ATP6V1H: variants seen among roughly 807,000 people sequenced by gnomAD.
The protein encoded by ATP6V1H is V-type proton ATPase subunit H.
Under a neutral mutation model 71.7 loss-of-function variants are expected in ATP6V1H, and 39 were observed. The ratio of observed to expected loss-of-function variants is 0.54; its 90% CI spans 0.42 to 0.71. The LOEUF (loss-of-function observed/expected upper bound fraction) is 0.71. ATP6V1H is among the 30% of genes least tolerant of loss of function. The pLI is 0.00. For missense variants in ATP6V1H, 509 were observed against 594.9 expected, an observed-to-expected ratio of 0.86 and a Z score of 1.50; for synonymous variants, 192 against 199.3, an observed-to-expected ratio of 0.96 and a Z score of 0.31.
At chr8:53,806,025 T>A (rs1810065077) in intron 7 of ATP6V1H, among the ~76,000 whole-genome samples, 1 of 152,144 alleles carries the variant, frequency 6.6e-6, no homozygotes, top group African/African-American at 2.4e-5. Flanking sequence ...TACATTTATC[T>A]CGCTGAACAT....
At chr8:53,755,742 A>T (rs377763917) in intron 12 of ATP6V1H, among the ~76,000 whole-genome samples, 336 of 1,748 alleles carry the variant, frequency 0.19, 30 homozygotes, top group African/African-American at 0.34. Context: ...ATATATATAT[A>T]TATTTTTTTT....
chr8:53,837,843 C>G (rs993658849), intron 2 of ATP6V1H, among the ~76,000 whole-genome samples: 1 of 152,130 alleles, frequency 6.6e-6, no homozygotes, highest in African/African-American at 2.4e-5. Flanking sequence ...AGGCAGGAAC[C>G]GCAGACACAG....
At chr8:53,756,428 G>T in intron 12 of ATP6V1H, 127 bp downstream of exon 12, 1 of 667,842 alleles carries the variant, frequency 1.5e-6, no homozygotes, top group Non-Finnish European at 2.5e-6. Context: ...TCACTATTGT[G>T]GCAATCTTGA....
intron 13 of ATP6V1H, among the ~76,000 whole-genome samples, chr8:53,732,672 GA>G (rs577072917): frequency 0.027 from 3,778 of 140,126 alleles, 168 homozygotes; most frequent in African/African-American, 0.094. Flanking sequence ...AAAAAAAAAA[GA>G]AAAAAAAAAG....
At chr8:53,723,404 C>T (rs1806694709) in intron 13 of ATP6V1H, among the ~76,000 whole-genome samples, 1 of 152,144 alleles carries the variant, frequency 6.6e-6, no homozygotes, top group African/African-American at 2.4e-5. Context: ...CTGGTCTTTT[C>T]CCTCTAGTCT....
At chr8:53,777,037 C>T (rs900433516) in intron 9 of ATP6V1H, among the ~76,000 whole-genome samples, 1 of 152,086 alleles carries the variant, frequency 6.6e-6, no homozygotes, top group Admixed American at 6.6e-5. Flanking sequence ...TGTTTCTTCC[C>T]TCCCACAAAC....
At chr8:53,801,744 G>A in intron 8 of ATP6V1H, 55 bp downstream of exon 8, 3 of 1,378,908 alleles carry the variant, frequency 2.2e-6, no homozygotes, top group Non-Finnish European at 3.1e-6. Context: ...CTTTGAAAAT[G>A]TCAAGGAGAG....
intron 8 of ATP6V1H, among the ~76,000 whole-genome samples, chr8:53,799,088 A>G (rs538682284): frequency 6.6e-6 from 1 of 152,140 alleles, no homozygotes; most frequent in South Asian, 2.1e-4. Flanking sequence ...CCATAGGGAG[A>G]AAAAAATCTA....
chr8:53,737,645 C>G (rs1807267412), intron 13 of ATP6V1H, among the ~76,000 whole-genome samples: 1 of 152,228 alleles, frequency 6.6e-6, no homozygotes, highest in Non-Finnish European at 1.5e-5. Context: ...AGGAAAACCT[C>G]TGGCCCTGTA....
intron 12 of ATP6V1H, among the ~76,000 whole-genome samples, chr8:53,744,832 T>A (rs1807544980): frequency 6.6e-6 from 1 of 151,984 alleles, no homozygotes. Flanking sequence ...AGCTCAGCCA[T>A]TTATCAAACA....
At chr8:53,749,307 C>T (rs1207859857) in intron 12 of ATP6V1H, among the ~76,000 whole-genome samples, 1 of 152,216 alleles carries the variant, frequency 6.6e-6, no homozygotes, top group East Asian at 1.9e-4. Context: ...CTTTACCCTG[C>T]CTGATAATTC....
At chr8:53,832,172 C>A (rs945529558) in intron 3 of ATP6V1H, 1 of 151,954 alleles carries the variant, frequency 6.6e-6, no homozygotes, top group African/African-American at 2.4e-5. Context: ...GTACATATCA[C>A]CCCTTTTTGT....
At chr8:53,795,279 AG>A (rs1252723835) in intron 9 of ATP6V1H, among the ~76,000 whole-genome samples, 1 of 152,198 alleles carries the variant, frequency 6.6e-6, no homozygotes, top group Non-Finnish European at 1.5e-5. Context: ...TCCAGTCAGT[AG>A]ATCCAGAACC....
At chr8:53,824,955 T>C (rs1810781721) in intron 4 of ATP6V1H, among the ~76,000 whole-genome samples, 2 of 151,992 alleles carry the variant, frequency 1.3e-5, no homozygotes, top group South Asian at 4.2e-4. Context: ...ATCAATGACT[T>C]TCATATACAT....
At chr8:53,752,725 A>G (rs1585746655) in intron 12 of ATP6V1H, among the ~76,000 whole-genome samples, 1 of 151,930 alleles carries the variant, frequency 6.6e-6, no homozygotes, top group African/African-American at 2.4e-5. Flanking sequence ...TAATTTTTCT[A>G]TTTTTAGTAG....
chr8:53,793,952 A>T (rs1014958111), intron 9 of ATP6V1H, among the ~76,000 whole-genome samples: 15 of 152,172 alleles, frequency 9.9e-5, no homozygotes, highest in African/African-American at 3.6e-4. Context: ...AAACAAAAAA[A>T]AGTGTACAAA....
intron 13 of ATP6V1H, among the ~76,000 whole-genome samples, chr8:53,741,618 T>C (rs1007981541): frequency 2.6e-5 from 4 of 152,146 alleles, no homozygotes; most frequent in Non-Finnish European, 5.9e-5. Flanking sequence ...AAATAAATGA[T>C]TTATGTTGAA....
Position 53,839,638 on chromosome 8 carries a change from A to T in ATP6V1H, c.113+1940T>A, listed in dbSNP as rs978376382. 4.5e-5 allele frequency: 44 copies of T among 985,350 alleles called. No homozygotes were observed. In the African/African-American group the frequency reaches 6.8e-4, roughly 15 times the overall value. The allele number at this position is 985,350 out of a possible 1,614,324, so 61.0% of individuals were successfully genotyped here. A position where few individuals can be genotyped will look rare whatever the true frequency, so the allele number is the denominator to read the frequency against. On this transcript the variant is annotated intron_variant, in intron 2 of 13. Coordinates refer to ENST00000359530, the MANE Select transcript of ATP6V1H (RefSeq NM_015941.4). ...CTACAAACTCACCCTTCATGCTGCT[A>T]GTAGAACAATTCAATCAAGAGGCAG...
intron 13 of ATP6V1H, among the ~76,000 whole-genome samples, chr8:53,741,191 C>A (rs1807401918): frequency 6.6e-6 from 1 of 152,172 alleles, no homozygotes; most frequent in Non-Finnish European, 1.5e-5. Flanking sequence ...CATCAAGTTC[C>A]TAAATTCAAG....
Sources: allele counts gnomAD v4.1 joint callset (sites outside exome capture counted in the v4.1 genomes callset), GRCh38; gene constraint gnomAD v4.1.1; transcripts MANE v1.5; gene names NCBI Gene and HGNC (gene_info 2026-07-23, HGNC 2026-07-21).